The following ST8SIA2 variants were observed in gnomAD, a reference collection of about 807,000 sequenced individuals.
The protein encoded by ST8SIA2 is ST8 alpha-N-acetyl-neuraminide alpha-2,8-sialyltransferase 2.
ST8SIA2 carries 22 observed loss-of-function variants against 37.6 expected under a neutral mutation model. The observed-to-expected ratio is 0.58, with a 90% CI of 0.42 to 0.83. The LOEUF (loss-of-function observed/expected upper bound fraction) is 0.83. Among genes scored for constraint, ST8SIA2 ranks in the 40% least tolerant of loss-of-function variants. ST8SIA2 has a pLI of 0.00. For synonymous variants in ST8SIA2, 205 were observed against 201.2 expected (o/e 1.02, Z -0.16); for missense variants, 382 against 484.7 (o/e 0.79, Z 1.99).
chr15:92,448,694 G>A (rs1026066780), intron 5 of ST8SIA2, among the ~76,000 whole-genome samples: 6 of 152,172 alleles, frequency 3.9e-5, no homozygotes, highest in African/African-American at 1.4e-4. Context: ...GCTACAATGT[G>A]GGAAAGACAT....
At chr15:92,449,381 G>A (rs2049866003) in intron 5 of ST8SIA2, among the ~76,000 whole-genome samples, 1 of 152,212 alleles carries the variant, frequency 6.6e-6, no homozygotes, top group South Asian at 2.1e-4. Context: ...TGGTGTATAT[G>A]TACCACATTT....
At chr15:92,397,971 A>G (rs998577494) in intron 1 of ST8SIA2, among the ~76,000 whole-genome samples, 1 of 152,132 alleles carries the variant, frequency 6.6e-6, no homozygotes, top group African/African-American at 2.4e-5. Flanking sequence ...CATCTCTACT[A>G]AAAGTACAAA....
chr15:92,443,216 A>C (rs2049815876), intron 4 of ST8SIA2, among the ~76,000 whole-genome samples: 1 of 152,134 alleles, frequency 6.6e-6, no homozygotes, highest in African/African-American at 2.4e-5. Flanking sequence ...TTACACTCTT[A>C]ACTGGATTTC....
At chr15:92,441,297 G>A (rs1473857239) in intron 4 of ST8SIA2, among the ~76,000 whole-genome samples, 2 of 152,174 alleles carry the variant, frequency 1.3e-5, no homozygotes, top group African/African-American at 2.4e-5. Context: ...CGGCAGAAGC[G>A]GCATTGGAGT....
At position 92,464,196 on chromosome 15, in the gene ST8SIA2, C is replaced by T. The variant is rs146070898; in HGVS notation, c.939C>T (p.Tyr313=). 2.3e-4 allele frequency: 364 copies of T among 1,608,536 alleles called. No homozygotes were observed. Among genetic ancestry groups the T allele is most frequent in the Middle Eastern group, 6.6e-4 (4 of 6,068 alleles). Residue 313 remains tyrosine (Y), a synonymous_variant, in exon 6 of 6, where the codon TAC becomes TAT. Transcript: ENST00000268164. ...ATRFCKQIYL[Y]GFWPFPLDQN... ...GTTTCTGCAAACAAATCTACCTCTA[C>T]GGCTTCTGGCCCTTTCCGCTGGATC...
At chr15:92,428,416 T>C (rs2049692016) in intron 1 of ST8SIA2, among the ~76,000 whole-genome samples, 1 of 152,208 alleles carries the variant, frequency 6.6e-6, no homozygotes, top group Admixed American at 6.5e-5. Context: ...TATTCCAAAC[T>C]ATTTATAGAA....
chr15:92,436,168 T>C (rs7181934), intron 3 of ST8SIA2, among the ~76,000 whole-genome samples: 10,579 of 152,202 alleles, frequency 0.07, 1,085 homozygotes, highest in African/African-American at 0.22. Flanking sequence ...CGCAAAGATG[T>C]TCTTTTGACA....
chr15:92,408,423 C>A lies in ST8SIA2; in HGVS notation c.98+14261C>A, dbSNP rs532564375. Among the ~76,000 whole-genome samples, 3 of 152,220 alleles carry A rather than the reference C, an allele frequency of 2.0e-5. No homozygotes were observed. In the East Asian group the frequency reaches 5.8e-4, roughly 29 times the overall value. ...CTAGGACCGTTTCAGATGTGTGCCC[C>A]GTTGTACTTCCAGCTCCTGCTACAG... On this transcript the variant is annotated intron_variant, in intron 1 of 5. Transcript: ENST00000268164.
intron 5 of ST8SIA2, among the ~76,000 whole-genome samples, chr15:92,448,418 G>C (rs2049857598): frequency 6.6e-6 from 1 of 152,210 alleles, no homozygotes; most frequent in South Asian, 2.1e-4. Context: ...GAATGGGCTG[G>C]GGAGGGATGC....
At chr15:92,457,299 G>T (rs1374948971) in intron 5 of ST8SIA2, among the ~76,000 whole-genome samples, 1 of 152,154 alleles carries the variant, frequency 6.6e-6, no homozygotes, top group Admixed American at 6.5e-5. Flanking sequence ...TTCCAACAGT[G>T]ACAGCCACTA....
chr15:92,449,338 T>G (rs1307910094), intron 5 of ST8SIA2, among the ~76,000 whole-genome samples: 1 of 152,232 alleles, frequency 6.6e-6, no homozygotes, highest in Non-Finnish European at 1.5e-5. Context: ...GAATGGGTAT[T>G]GTTTATACAC....
chr15:92,430,154 G>A lies in ST8SIA2; in HGVS notation c.161+43G>A, dbSNP rs765846093. On this transcript the variant is annotated intron_variant, in intron 2 of 5. Transcript: ENST00000268164. ...TGTGTTCATTTGTTTTTGCTGTAAG[G>A]CAGCTATTAATCTGCTTCTCTTCTT... 20 of 1,590,172 alleles carry A rather than the reference G, an allele frequency of 1.3e-5. No individual in the cohort carries two copies. The South Asian group carries it at 1.9e-4, about 15-fold the overall frequency.
intron 5 of ST8SIA2, among the ~76,000 whole-genome samples, chr15:92,462,427 T>A (rs998144213): frequency 6.6e-6 from 1 of 152,218 alleles, no homozygotes; most frequent in African/African-American, 2.4e-5. Flanking sequence ...TTTCCTTTTA[T>A]GAGCTGCAAA....
chr15:92,421,615 A>G (rs1427485230), intron 1 of ST8SIA2, among the ~76,000 whole-genome samples: 5 of 152,232 alleles, frequency 3.3e-5, no homozygotes, highest in Non-Finnish European at 7.3e-5. Context: ...GTAATACTCA[A>G]AGATCATACA....
At chr15:92,431,169 T>C (rs1428044952) in intron 2 of ST8SIA2, among the ~76,000 whole-genome samples, 1 of 152,172 alleles carries the variant, frequency 6.6e-6, no homozygotes, top group Non-Finnish European at 1.5e-5. Flanking sequence ...TCTGTTCTAT[T>C]ATGAAATGAT....
intron 1 of ST8SIA2, among the ~76,000 whole-genome samples, chr15:92,395,091 C>A (rs2049420859): frequency 6.6e-6 from 1 of 152,146 alleles, no homozygotes; most frequent in South Asian, 2.1e-4. Flanking sequence ...GCCTTCGGCT[C>A]GCCGGGCCGG....
chr15:92,401,842 T>A (rs1009680730), intron 1 of ST8SIA2, among the ~76,000 whole-genome samples: 1 of 149,736 alleles, frequency 6.7e-6, no homozygotes, highest in East Asian at 2.0e-4. Flanking sequence ...GGCCAAAGGA[T>A]GAAAGAACCC....
At chr15:92,395,686 G>A (rs976022665) in intron 1 of ST8SIA2, among the ~76,000 whole-genome samples, 11 of 152,198 alleles carry the variant, frequency 7.2e-5, no homozygotes, top group Non-Finnish European at 1.2e-4. Context: ...AAGGAAATCG[G>A]GCAAGTCACG....
chr15:92,414,278 A>G (rs1331801805), intron 1 of ST8SIA2, among the ~76,000 whole-genome samples: 1 of 152,202 alleles, frequency 6.6e-6, no homozygotes, highest in East Asian at 1.9e-4. Flanking sequence ...TGCCTCTCGG[A>G]TCTGACTGGG....
Sources: gnomAD v4.1 joint callset for allele counts (sites outside exome capture counted in the v4.1 genomes callset) on GRCh38, gnomAD v4.1.1 for gene constraint, MANE v1.5 for transcripts, NCBI Gene and HGNC (gene_info 2026-07-23, HGNC 2026-07-21) for gene names.